Variants in HECW2 observed in about 807,000 individuals in gnomAD.
HECW2 encodes HECT, C2 and WW domain containing E3 ubiquitin protein ligase 2.
In HECW2, 61 loss-of-function variants were observed where a neutral mutation model predicts 175.2. The observed-to-expected ratio is 0.35, with a 90% CI of 0.28 to 0.43. The LOEUF (loss-of-function observed/expected upper bound fraction) is 0.43. Ranked by LOEUF, HECW2 falls within the 20% of genes least tolerant of loss-of-function variation. HECW2 has a pLI of 1.00. For synonymous variants in HECW2, 671 were observed against 731.0 expected (o/e 0.92, Z 1.32); for missense variants, 1,524 against 2,000.5 (o/e 0.76, Z 4.54).
chr2:196,225,223 A>G (rs1025203899), intron 23 of HECW2, among the ~76,000 whole-genome samples: 2 of 152,350 alleles, frequency 1.3e-5, no homozygotes, highest in East Asian at 1.9e-4. Context: ...CTGAATTTTC[A>G]TTTTCCATAA....
At chr2:196,326,532 C>T (rs1021947456) in intron 5 of HECW2, among the ~76,000 whole-genome samples, 1 of 151,822 alleles carries the variant, frequency 6.6e-6, no homozygotes, top group African/African-American at 2.4e-5. Context: ...CAACCTCTGC[C>T]TCCTGGGTTC....
chr2:196,477,445 T>G (rs1292796306), intron 1 of HECW2, among the ~76,000 whole-genome samples: 1 of 152,232 alleles, frequency 6.6e-6, no homozygotes, highest in Non-Finnish European at 1.5e-5. Flanking sequence ...CAGGCAGTTC[T>G]CAGCTTTCAA....
intron 1 of HECW2, among the ~76,000 whole-genome samples, chr2:196,434,898 T>G (rs1368381755): frequency 6.6e-6 from 1 of 152,164 alleles, no homozygotes; most frequent in African/African-American, 2.4e-5. Context: ...GGTGCAATAT[T>G]TACATGACAG....
intron 2 of HECW2, among the ~76,000 whole-genome samples, chr2:196,408,096 A>T (rs1204983395): frequency 6.6e-6 from 1 of 152,246 alleles, no homozygotes; most frequent in Non-Finnish European, 1.5e-5. Flanking sequence ...TTAGAAGAGC[A>T]GTAGGCAGTC....
chr2:196,281,861 G>C (rs565455261), intron 14 of HECW2, among the ~76,000 whole-genome samples: 21 of 152,128 alleles, frequency 1.4e-4, no homozygotes, highest in Non-Finnish European at 2.9e-4. Context: ...CTGAGCTCTA[G>C]TTTGCTACTC....
intron 1 of HECW2, among the ~76,000 whole-genome samples, chr2:196,436,066 A>G (rs1468104007): frequency 2.0e-5 from 3 of 152,236 alleles, no homozygotes; most frequent in Non-Finnish European, 4.4e-5. Context: ...CAGATATCTC[A>G]GAGCCCAAGC....
chr2:196,582,492 G>A (rs923093959), intron 1 of HECW2, among the ~76,000 whole-genome samples: 2 of 152,032 alleles, frequency 1.3e-5, no homozygotes, highest in African/African-American at 2.4e-5. Context: ...ATTCCTTTAG[G>A]CACCTAACCC....
intron 13 of HECW2, among the ~76,000 whole-genome samples, chr2:196,305,708 T>C (rs1415400738): frequency 2.6e-5 from 4 of 152,202 alleles, no homozygotes; most frequent in African/African-American, 9.7e-5. Flanking sequence ...TCTGCCTACT[T>C]ACCCACCAAA....
intron 17 of HECW2, among the ~76,000 whole-genome samples, chr2:196,266,226 A>G (rs1689511670): frequency 6.6e-6 from 1 of 151,086 alleles, no homozygotes. Flanking sequence ...GTGCTCCTGT[A>G]GTCCCAGCTA....
intron 28 of HECW2, among the ~76,000 whole-genome samples, chr2:196,212,035 C>T (rs1464265708): frequency 6.6e-6 from 1 of 152,148 alleles, no homozygotes; most frequent in Admixed American, 6.5e-5. Context: ...CAGGGTTTCA[C>T]CATGTTAGCC....
intron 10 of HECW2, chr2:196,315,868 A>G (rs1360871489): frequency 6.6e-6 from 1 of 152,154 alleles, no homozygotes; most frequent in Non-Finnish European, 1.5e-5. Context: ...TTATCAACAC[A>G]CTTCTGCAAT....
At position 196,201,205 on chromosome 2, in the gene HECW2, A is replaced by G. The variant is rs1373848306; in HGVS notation, c.*72T>C. ...AGGAAGCATCCTCTTGAAACTTCCA[A>G]TGTTCAATCATTCTTCTAGAAGGCA... On this transcript the variant is annotated 3_prime_UTR_variant, in exon 29 of 29. Coordinates refer to ENST00000644978, the MANE Select transcript of HECW2 (RefSeq NM_001348768.2). 46 of 972,418 alleles carry G rather than the reference A, an allele frequency of 4.7e-5. No homozygotes were observed. The highest frequency in any genetic ancestry group is 2.0e-5 in the Non-Finnish European group (12 of 596,536). 60.2% of individuals were successfully genotyped at this position (972,418 alleles called of 1,614,324 possible).
Position 196,201,369 on chromosome 2 carries a change from G to A in HECW2, c.4627C>T (p.Arg1543Cys). Residue 1543 changes from arginine (R) to cysteine (C), a missense_variant, in exon 29 of 29, where the codon CGT (arginine) becomes TGT (cysteine). Transcript: ENST00000644978. Reference sequence around the variant, plus strand: ...GATGGGTAGGGAGGCAGATCCAGACGGTTAAAACATGTATGCGCTCTGAAA... The same window carrying A: ...GATGGGTAGGGAGGCAGATCCAGACAGTTAAAACATGTATGCGCTCTGAAA... ...ALPRAHTCFN[R>C]LDLPPYPSFS... is the part of the protein sequence containing the mutation. 3 of 1,612,960 alleles carry A rather than the reference G, an allele frequency of 1.9e-6. No individual in the cohort carries two copies. Among genetic ancestry groups the A allele is most frequent in the Non-Finnish European group, 1.7e-6 (2 of 1,179,100 alleles).
chr2:196,569,631 G>A lies in HECW2; in HGVS notation c.-36+23877C>T, dbSNP rs565001009. Reference sequence around the variant, plus strand: ...CCATCACTAGGGGGACCCTCTATCTGAGACTTCCCAGGACCCCCGATTTGT... The same window carrying A: ...CCATCACTAGGGGGACCCTCTATCTAAGACTTCCCAGGACCCCCGATTTGT... On this transcript the variant is annotated intron_variant, in intron 1 of 28. Transcript: ENST00000644978. 1.1e-3 allele frequency among the ~76,000 whole-genome samples: 169 copies of A among 152,260 alleles called. 2 individuals carry two copies. The South Asian group carries it at 0.033, about 29-fold the overall frequency.
intron 24 of HECW2, among the ~76,000 whole-genome samples, chr2:196,221,499 C>A (rs1687669711): frequency 6.6e-6 from 1 of 152,060 alleles, no homozygotes; most frequent in Non-Finnish European, 1.5e-5. Flanking sequence ...GTTCTTAAGT[C>A]TTCCCCAAAA....
intron 1 of HECW2, among the ~76,000 whole-genome samples, chr2:196,536,455 A>C (rs934823887): frequency 6.6e-6 from 1 of 152,226 alleles, no homozygotes; most frequent in Non-Finnish European, 1.5e-5. Flanking sequence ...TAAAGCCCAC[A>C]GATACTAAAA....
In HECW2 at chr2:196,508,919, T is replaced by A. The variant is rs112433823; in HGVS notation, c.-35-75461A>T. ...CTGTCTCTACTAAAAATACAAAAAA[T>A]TAGCCAGGCGTGGTGGTGGGCGCCT... On this transcript the variant is annotated intron_variant, in intron 1 of 28. Transcript: ENST00000644978. Among the ~76,000 whole-genome samples the A allele has an allele frequency of 7.0e-4, 106 of 152,192 alleles. 3 individuals carry two copies. Among genetic ancestry groups the A allele is most frequent in the African/African-American group, 2.1e-3 (88 of 41,518 alleles).
At chr2:196,550,636 C>T (rs1689576632) in intron 1 of HECW2, among the ~76,000 whole-genome samples, 1 of 152,114 alleles carries the variant, frequency 6.6e-6, no homozygotes, top group African/African-American at 2.4e-5. Context: ...AAAGGGATAA[C>T]AAAAATGAGA....
intron 1 of HECW2, among the ~76,000 whole-genome samples, chr2:196,553,684 T>G (rs1289034811): frequency 1.3e-5 from 2 of 152,236 alleles, no homozygotes. Context: ...AACTCTGATT[T>G]GCGGAACAAC....
Sources: gnomAD v4.1 joint callset for allele counts (sites outside exome capture counted in the v4.1 genomes callset) on GRCh38, gnomAD v4.1.1 for gene constraint, MANE v1.5 for transcripts, NCBI Gene and HGNC (gene_info 2026-07-23, HGNC 2026-07-21) for gene names.